NEK10: variants seen among roughly 807,000 people sequenced by gnomAD.
NEK10 encodes serine/threonine-protein kinase Nek10.
A neutral mutation model predicts 159.8 loss-of-function variants in NEK10; 122 were observed. The observed-to-expected ratio is 0.76, with a 90% CI of 0.66 to 0.89. The LOEUF (loss-of-function observed/expected upper bound fraction) is 0.89, where lower values mean the gene tolerates loss of function less well. NEK10 is among the 40% of genes least tolerant of loss of function. The probability of loss-of-function intolerance (pLI) is 0.00; values close to 1 mark genes in which losing one functional copy is unlikely to be tolerated. For synonymous variants in NEK10, 466 were observed against 457.1 expected, an observed-to-expected ratio of 1.02 and a Z score of -0.25; for missense variants, 1,342 against 1,323.1, an observed-to-expected ratio of 1.01 and a Z score of -0.22.
In NEK10 at chr3:27,350,512, A is replaced by G. The variant is rs139185533; in HGVS notation, c.132+1953T>C. Among the ~76,000 whole-genome samples the G allele has an allele frequency of 3.7e-4, 56 of 152,312 alleles. No individual in the cohort carries two copies. The East Asian group carries it at 7.9e-3, about 21-fold the overall frequency. On this transcript the variant is annotated intron_variant, in intron 3 of 35. Transcript: ENST00000691995. Reference sequence around the variant, plus strand: ...ACAAATGAATGAAACTTTTATAAACACAATTAGGCATTAATTTTGTAAACC... The same window carrying G: ...ACAAATGAATGAAACTTTTATAAACGCAATTAGGCATTAATTTTGTAAACC...
chr3:27,259,312 G>T (rs2040186897), intron 22 of NEK10, among the ~76,000 whole-genome samples: 1 of 152,166 alleles, frequency 6.6e-6, no homozygotes, highest in Admixed American at 6.5e-5. Flanking sequence ...GTCCTGAATG[G>T]TATTGCCTAG....
chr3:27,329,575 G>A (rs747098635), intron 5 of NEK10, among the ~76,000 whole-genome samples: 71 of 152,254 alleles, frequency 4.7e-4, no homozygotes, highest in Non-Finnish European at 7.4e-4. Flanking sequence ...TGTAGCCAAG[G>A]AACAACCAGT....
At chr3:27,223,272 T>A (rs956900994) in intron 23 of NEK10, among the ~76,000 whole-genome samples, 14 of 152,128 alleles carry the variant, frequency 9.2e-5, no homozygotes, top group Admixed American at 9.2e-4. Context: ...TCGTCAAGTC[T>A]CCTGATTTCT....
At chr3:27,343,867 C>T (rs1451308538) in intron 5 of NEK10, among the ~76,000 whole-genome samples, 4 of 152,212 alleles carry the variant, frequency 2.6e-5, no homozygotes, top group African/African-American at 9.6e-5. Context: ...ATGTTACACA[C>T]TCATCCTTTC....
Position 27,284,621 on chromosome 3 carries a change from A to G in NEK10, c.1995T>C (p.Asp665=). The change falls in exon 22 of 36, where the codon GAT becomes GAC. Residue 665 remains aspartate, a synonymous_variant. Transcript: ENST00000691995. Reference sequence around the variant, plus strand: ...ACTTACTAACGGTTACTTTGTCCTTATCCCCCAACATAATGTTGTTTGGTG... The same window carrying G: ...ACTTACTAACGGTTACTTTGTCCTTGTCCCCCAACATAATGTTGTTTGGTG... ...DLTPNNIMLG[D]KDKVTVTDFG... 1 of 1,589,452 alleles carries G rather than the reference A, an allele frequency of 6.3e-7. No homozygotes were observed. Among genetic ancestry groups the G allele is most frequent in the Non-Finnish European group, 8.6e-7 (1 of 1,157,652 alleles).
At chr3:27,142,535 A>G (rs1391963431) in intron 30 of NEK10, among the ~76,000 whole-genome samples, 1 of 152,110 alleles carries the variant, frequency 6.6e-6, no homozygotes, top group Non-Finnish European at 1.5e-5. Flanking sequence ...TGAAAGTTCC[A>G]AAGACCCTCT....
chr3:27,163,528 A>G (rs1188099274), intron 29 of NEK10, among the ~76,000 whole-genome samples: 1 of 151,548 alleles, frequency 6.6e-6, no homozygotes, highest in South Asian at 2.1e-4. Flanking sequence ...ATTTTCTTGT[A>G]TTTTTAGTAG....
intron 35 of NEK10, among the ~76,000 whole-genome samples, chr3:27,114,983 T>C (rs1366843014): frequency 6.6e-6 from 1 of 152,200 alleles, no homozygotes; most frequent in East Asian, 1.9e-4. Context: ...CCTGCTAATA[T>C]ATAAAGAAAT....
intron 12 of NEK10, among the ~76,000 whole-genome samples, chr3:27,304,291 T>A (rs1414115862): frequency 1.3e-5 from 2 of 152,182 alleles, no homozygotes; most frequent in Non-Finnish European, 2.9e-5. Flanking sequence ...GCTCCTTTCA[T>A]ATAGGCTTTG....
chr3:27,202,357 G>T lies in NEK10; in HGVS notation c.2220+71C>A. On this transcript the variant is annotated intron_variant, in intron 24 of 35. Transcript: ENST00000691995. Reference sequence around the variant, plus strand: ...TGGGCAGTTATATACAAATCACAAAGATCTGTTTAATAAGAAAAAGAATTG... The same window carrying T: ...TGGGCAGTTATATACAAATCACAAATATCTGTTTAATAAGAAAAAGAATTG... 9.0e-6 allele frequency: 13 copies of T among 1,438,120 alleles called. No homozygotes were observed. The South Asian group carries it at 1.7e-4, about 18-fold the overall frequency. 89.1% of individuals were successfully genotyped at this position (1,438,120 alleles called of 1,614,324 possible).
Position 27,301,844 on chromosome 3 carries a change from GAA to G in NEK10, c.1029-11_1029-10del. On this transcript the variant is annotated splice_polypyrimidine_tract_variant and intron_variant, in intron 12 of 35. Transcript: ENST00000691995. ...AAACAAAATTTCTGTCTCTGAAAAA[GAA>G]AAGTTAATGCATAGACCATTTATCA... 6.5e-7 allele frequency: 1 copy of G among 1,548,832 alleles called. No homozygotes were observed. Among genetic ancestry groups the G allele is most frequent in the Non-Finnish European group, 8.7e-7 (1 of 1,144,444 alleles).
At chr3:27,294,904 G>C (rs757770582) in intron 15 of NEK10, among the ~76,000 whole-genome samples, 1 of 151,914 alleles carries the variant, frequency 6.6e-6, no homozygotes, top group Non-Finnish European at 1.5e-5. Flanking sequence ...CTGCGTAACT[G>C]TTCCCCTTTC....
At chr3:27,247,368 A>T (rs899019354) in intron 23 of NEK10, among the ~76,000 whole-genome samples, 1 of 152,154 alleles carries the variant, frequency 6.6e-6, no homozygotes, top group Admixed American at 6.5e-5. Flanking sequence ...TTTTGTCAGC[A>T]TCAATTGAAA....
chr3:27,345,617 G>T (rs934843582), intron 4 of NEK10, among the ~76,000 whole-genome samples: 26 of 152,172 alleles, frequency 1.7e-4, no homozygotes, highest in African/African-American at 6.3e-4. Flanking sequence ...GGTCTGCTTG[G>T]CAACAGAGAT....
intron 5 of NEK10, among the ~76,000 whole-genome samples, chr3:27,328,275 C>T (rs1344309238): frequency 1.3e-5 from 2 of 152,168 alleles, no homozygotes; most frequent in Admixed American, 1.3e-4. Flanking sequence ...TGCACTTGTA[C>T]TCATGGAGCT....
At chr3:27,171,197 A>G (rs1210539662) in intron 29 of NEK10, among the ~76,000 whole-genome samples, 1 of 152,180 alleles carries the variant, frequency 6.6e-6, no homozygotes, top group Non-Finnish European at 1.5e-5. Context: ...ACTCTAAGAA[A>G]CAACTGTCAC....
intron 29 of NEK10, among the ~76,000 whole-genome samples, chr3:27,167,448 A>G (rs767759398): frequency 6.6e-6 from 1 of 152,226 alleles, no homozygotes; most frequent in Non-Finnish European, 1.5e-5. Flanking sequence ...GTCGTAAAAC[A>G]ATGACTAAAT....
At chr3:27,331,131 G>A (rs1311412892) in intron 5 of NEK10, among the ~76,000 whole-genome samples, 1 of 151,520 alleles carries the variant, frequency 6.6e-6, no homozygotes, top group Non-Finnish European at 1.5e-5. Flanking sequence ...CAGCTACTCG[G>A]GAGGCCGAGG....
At chr3:27,266,373 G>C (rs954695554) in intron 22 of NEK10, among the ~76,000 whole-genome samples, 1 of 151,806 alleles carries the variant, frequency 6.6e-6, no homozygotes, top group Non-Finnish European at 1.5e-5. Flanking sequence ...ACAATATGTA[G>C]GTTGAGGTTC....
Sources: allele counts gnomAD v4.1 joint callset (sites outside exome capture counted in the v4.1 genomes callset), GRCh38; gene constraint gnomAD v4.1.1; transcripts MANE v1.5; gene names NCBI Gene and HGNC (gene_info 2026-07-23, HGNC 2026-07-21).